XIRP2: variants seen among roughly 807,000 people sequenced by gnomAD.
XIRP2 encodes the protein xin actin-binding repeat-containing protein 2.
In XIRP2, 236 loss-of-function variants were observed where a neutral mutation model predicts 277.0. The ratio of observed to expected loss-of-function variants is 0.85; its 90% CI spans 0.77 to 0.95. The LOEUF is 0.95. Among genes scored for constraint, XIRP2 ranks in the 40% least tolerant of loss-of-function variants. The pLI is 0.00. For synonymous variants in XIRP2, 1,490 were observed against 1,416.5 expected, an observed-to-expected ratio of 1.05 and a Z score of -1.17; for missense variants, 4,640 against 4,157.5, an observed-to-expected ratio of 1.12 and a Z score of -3.19.
chr2:167,028,161 A>G (rs1045577967), intron 2 of XIRP2, among the ~76,000 whole-genome samples: 23 of 152,114 alleles, frequency 1.5e-4, no homozygotes, highest in African/African-American at 5.1e-4. Context: ...ATCTAACATA[A>G]GAAAATATTT....
At chr2:166,938,285 G>T (rs1335784855) in intron 2 of XIRP2, among the ~76,000 whole-genome samples, 2 of 152,086 alleles carry the variant, frequency 1.3e-5, no homozygotes, top group African/African-American at 4.8e-5. Context: ...AGAAATTCTG[G>T]TTTGTTGTGT....
intron 2 of XIRP2, among the ~76,000 whole-genome samples, chr2:166,999,133 T>C (rs556854751): frequency 1.1e-4 from 17 of 152,232 alleles, no homozygotes; most frequent in African/African-American, 4.1e-4. Context: ...CATAAAAATA[T>C]TTGCTTAGGT....
At chr2:167,021,575 G>T (rs147193264) in intron 2 of XIRP2, among the ~76,000 whole-genome samples, 1 of 151,962 alleles carries the variant, frequency 6.6e-6, no homozygotes, top group Non-Finnish European at 1.5e-5. Context: ...ACAGCTATCT[G>T]CAGTGGCTGA....
intron 2 of XIRP2, among the ~76,000 whole-genome samples, chr2:166,912,228 G>A (rs141365749): frequency 0.014 from 2,172 of 152,182 alleles, 46 homozygotes; most frequent in African/African-American, 0.046. Context: ...CATTTTCCCC[G>A]TCACTTTCAG....
rs561507890 is a variant in XIRP2 at position 167,023,373 on chromosome 2, A to C, written c.409-112536A>C. Among the ~76,000 whole-genome samples the C allele has an allele frequency of 2.0e-5, 3 of 152,098 alleles. No individual in the cohort carries two copies. In the East Asian group the frequency reaches 5.8e-4, roughly 29 times the overall value. ...GATATTAGCCCTTTGTCAGATGAGT[A>C]GGTTGCAAAAATTTTCTCCCATTTT... On this transcript the variant is annotated intron_variant, in intron 2 of 10. Transcript: ENST00000409195.
intron 2 of XIRP2, among the ~76,000 whole-genome samples, chr2:166,973,991 G>A (rs916863350): frequency 6.6e-6 from 1 of 152,116 alleles, no homozygotes; most frequent in Admixed American, 6.5e-5. Flanking sequence ...CCTCTTAGTA[G>A]ACAAATCAAT....
intron 2 of XIRP2, among the ~76,000 whole-genome samples, chr2:166,910,579 A>AT (rs1225549340): frequency 2.0e-5 from 3 of 151,950 alleles, no homozygotes; most frequent in African/African-American, 4.8e-5. Flanking sequence ...GGATTCGTTG[A>AT]TTTTTTGAAG....
chr2:167,083,765 G>A (rs1347484056), intron 2 of XIRP2, among the ~76,000 whole-genome samples: 2 of 152,192 alleles, frequency 1.3e-5, no homozygotes, highest in Non-Finnish European at 2.9e-5. Context: ...GTATAAGAAT[G>A]CTTGTGATTT....
chr2:167,140,879 C>T (rs1389583703), intron 3 of XIRP2: 1 of 152,148 alleles, frequency 6.6e-6, no homozygotes, highest in Non-Finnish European at 1.5e-5. Flanking sequence ...CTTTTAGTCA[C>T]TATTACAGTC....
At chr2:167,032,907 C>T (rs1688406463) in intron 2 of XIRP2, among the ~76,000 whole-genome samples, 1 of 152,082 alleles carries the variant, frequency 6.6e-6, no homozygotes, top group Admixed American at 6.6e-5. Context: ...GGATCTAGAA[C>T]CAGTAATACC....
At chr2:167,125,260 C>A (rs923617723) in intron 2 of XIRP2, among the ~76,000 whole-genome samples, 2 of 152,142 alleles carry the variant, frequency 1.3e-5, no homozygotes, top group South Asian at 4.1e-4. Context: ...TTATCAAGTA[C>A]CTGCCATGTA....
chr2:167,143,169 C>T (rs938268299), intron 3 of XIRP2, among the ~76,000 whole-genome samples: 9 of 152,086 alleles, frequency 5.9e-5, no homozygotes, highest in Admixed American at 5.2e-4. Context: ...TATGGACCTG[C>T]CCCTGTGCTT....
intron 5 of XIRP2, among the ~76,000 whole-genome samples, chr2:167,236,062 CTG>C (rs1330080907): frequency 2.0e-5 from 3 of 151,946 alleles, no homozygotes; most frequent in Admixed American, 6.6e-5. Context: ...TATATCATAA[CTG>C]TTTCTAGTTT....
intron 2 of XIRP2, among the ~76,000 whole-genome samples, chr2:167,033,013 TA>T (rs1688409576): frequency 6.6e-6 from 1 of 152,166 alleles, no homozygotes; most frequent in African/African-American, 2.4e-5. Flanking sequence ...ACTGCAGCAC[TA>T]TTTACTGTAG....
At chr2:167,028,695 A>T (rs1688243000) in intron 2 of XIRP2, among the ~76,000 whole-genome samples, 1 of 151,972 alleles carries the variant, frequency 6.6e-6, no homozygotes, top group Non-Finnish European at 1.5e-5. Context: ...ATCCAGGAAA[A>T]CATGACATCA....
intron 2 of XIRP2, among the ~76,000 whole-genome samples, chr2:166,977,886 A>G (rs1423551520): frequency 6.6e-6 from 1 of 152,166 alleles, no homozygotes; most frequent in African/African-American, 2.4e-5. Context: ...GCCTCAAACT[A>G]TTACTAGCTT....
At chr2:167,178,472 T>G (rs1692917131) in intron 3 of XIRP2, among the ~76,000 whole-genome samples, 1 of 152,186 alleles carries the variant, frequency 6.6e-6, no homozygotes, top group African/African-American at 2.4e-5. Context: ...TTGACAAATT[T>G]CTTCCATTTT....
At chr2:167,149,687 T>C (rs765390349) in intron 3 of XIRP2, among the ~76,000 whole-genome samples, 10 of 152,042 alleles carry the variant, frequency 6.6e-5, no homozygotes, top group Non-Finnish European at 1.2e-4. Flanking sequence ...GGAAAAAATA[T>C]AGGAAATATT....
chr2:167,141,211 A>C (rs1447887431), intron 3 of XIRP2, among the ~76,000 whole-genome samples: 3 of 152,148 alleles, frequency 2.0e-5, no homozygotes. Flanking sequence ...TAATATTCTG[A>C]CTGTAGAATG....
Sources: gnomAD v4.1 joint callset for allele counts (sites outside exome capture counted in the v4.1 genomes callset) on GRCh38, gnomAD v4.1.1 for gene constraint, MANE v1.5 for transcripts, NCBI Gene and HGNC (gene_info 2026-07-23, HGNC 2026-07-21) for gene names.